ARHGEF1: variants seen among roughly 807,000 people sequenced by gnomAD.
The protein encoded by ARHGEF1 is Rho guanine nucleotide exchange factor 1, also known as 115 kDa guanine nucleotide exchange factor.
Under a neutral mutation model 119.7 loss-of-function variants are expected in ARHGEF1, and 40 were observed. The observed-to-expected ratio is 0.33, with a 90% CI of 0.26 to 0.44. The LOEUF is 0.44. ARHGEF1 is among the 20% of genes least tolerant of loss of function. The pLI, the probability that ARHGEF1 is intolerant of heterozygous loss-of-function variation, is 1.00. For synonymous variants in ARHGEF1, 494 were observed against 521.0 expected (o/e 0.95, Z 0.71); for missense variants, 976 against 1,268.3 (o/e 0.77, Z 3.50).
In ARHGEF1 at chr19:41,903,913, C is replaced by A; in HGVS notation, c.1918-122C>A. 1 of 1,351,462 alleles carries A rather than the reference C, an allele frequency of 7.4e-7. No individual in the cohort carries two copies. The highest frequency in any genetic ancestry group is 1.0e-6 in the Non-Finnish European group (1 of 958,588). The allele number at this position is 1,351,462 out of a possible 1,614,324, so 83.7% of individuals were successfully genotyped here. On this transcript the variant is annotated intron_variant, in intron 20 of 28. Coordinates refer to ENST00000354532, the MANE Select transcript of ARHGEF1 (RefSeq NM_004706.4). The surrounding 1 kb of genome is among the most constrained non-coding windows in gnomAD (Gnocchi z 4.2). ...GAAGCGAGAGCTCTGTCCCCCACCTCATGCCAATCCCATGATCCCCAGCCT... is the reference window on the plus strand; with the variant it reads ...GAAGCGAGAGCTCTGTCCCCCACCTAATGCCAATCCCATGATCCCCAGCCT...
At chr19:41,896,040 C>T (rs941064810) in intron 12 of ARHGEF1, among the ~76,000 whole-genome samples, 9 of 152,150 alleles carry the variant, frequency 5.9e-5, no homozygotes, top group Non-Finnish European at 1.2e-4. Context: ...GATGAATGGA[C>T]GTGGAGGCAG....
chr19:41,887,270 C>CTTCTGGGTTTGGGGACTCCCAGTCCCTG (rs2074307748), intron 1 of ARHGEF1, among the ~76,000 whole-genome samples: 1 of 151,872 alleles, frequency 6.6e-6, no homozygotes, highest in Non-Finnish European at 1.5e-5. Context: ...AATCAGGAAA[C>CTTCTGGGTTTGGGGACTCCCAGTCCCTG]AGGGTGAAAA....
At chr19:41,926,877 C>T (rs191226404) in intron 1 of ARHGEF1, among the ~76,000 whole-genome samples, 2 of 151,884 alleles carry the variant, frequency 1.3e-5, no homozygotes, top group African/African-American at 2.4e-5. Context: ...CGGAAACCAG[C>T]GAGGGGGAGA....
In ARHGEF1 at chr19:41,904,360, C is replaced by T; in HGVS notation, c.2138C>T (p.Ala713Val). Reference sequence around the variant, plus strand: ...CGGCCCGTGCTGCGGCTCACCTCCGCCATGACCCGCGAGGTGGCCACCGGT... The same window carrying T: ...CGGCCCGTGCTGCGGCTCACCTCCGTCATGACCCGCGAGGTGGCCACCGGT... ...MLRPVLRLTS[A>V]MTREVATDHK... The change falls in exon 22 of 29, where the codon GCC becomes GTC. Residue 713 changes from alanine (A) to valine (V), a missense_variant. Coordinates refer to ENST00000354532, the MANE Select transcript of ARHGEF1 (RefSeq NM_004706.4). This position sits in a 1 kb window ranked among gnomAD's most constrained non-coding sequence, Gnocchi z 8.4. 6.3e-7 allele frequency: 1 copy of T among 1,586,152 alleles called. No homozygotes were observed. Among genetic ancestry groups the T allele is most frequent in the South Asian group, 1.1e-5 (1 of 88,280 alleles).
At chr19:41,919,195 C>A (rs1412430444), upstream of ARHGEF1, among the ~76,000 whole-genome samples, 2 of 151,982 alleles carry the variant, frequency 1.3e-5, no homozygotes, top group African/African-American at 4.8e-5. Flanking sequence ...CCTTGTAATC[C>A]CCACATGGAC....
intron 2 of ARHGEF1, among the ~76,000 whole-genome samples, chr19:41,929,328 G>A (rs2074891424): frequency 6.6e-6 from 1 of 151,938 alleles, no homozygotes; most frequent in Middle Eastern, 3.2e-3. Context: ...CAGAACCCAG[G>A]GCTGGCACAC....
upstream of ARHGEF1, among the ~76,000 whole-genome samples, chr19:41,922,645 T>C (rs558066433): frequency 6.7e-4 from 100 of 148,708 alleles, 1 homozygote; most frequent in African/African-American, 2.4e-3. Context: ...GCCTGAGGGC[T>C]AGGGCAAGGG....
At chr19:41,913,824 A>C (rs1252896933) in intron 18 of ARHGEF1, among the ~76,000 whole-genome samples, 5 of 90,874 alleles carry the variant, frequency 5.5e-5, no homozygotes, top group African/African-American at 9.0e-5. Flanking sequence ...CTTGCAATCC[A>C]CTCCCTCTCA....
upstream of ARHGEF1, among the ~76,000 whole-genome samples, chr19:41,919,730 C>T (rs915990510): frequency 6.6e-6 from 1 of 152,170 alleles, no homozygotes; most frequent in Non-Finnish European, 1.5e-5. Flanking sequence ...CAGGGTCGCA[C>T]TCACTTGGTC....
chr19:41,884,859 C>T (rs538472004), intron 1 of ARHGEF1, among the ~76,000 whole-genome samples: 3 of 152,262 alleles, frequency 2.0e-5, no homozygotes, highest in African/African-American at 7.2e-5. Context: ...GGCAGCTGTC[C>T]CTATAGAATC....
At chr19:41,907,068 T>G in intron 28 of ARHGEF1, 37 bp from the exon 29 acceptor site, 3 of 1,457,612 alleles carry the variant, frequency 2.1e-6, no homozygotes, top group Non-Finnish European at 2.7e-6. Flanking sequence ...TCTCTCTCCA[T>G]CTCTCCCCGT....
chr19:41,909,293 G>A, downstream of ARHGEF1: 2 of 1,233,630 alleles, frequency 1.6e-6, no homozygotes, highest in Non-Finnish European at 1.0e-6. The surrounding 1 kb of genome is among the most constrained non-coding windows in gnomAD (Gnocchi z 5.2). Flanking sequence ...GTGAGGGGAG[G>A]AGCATCTGGC....
chr19:41,902,385 C>A lies in ARHGEF1; in HGVS notation c.1497+29C>A. 1 of 1,613,536 alleles carries A rather than the reference C, an allele frequency of 6.2e-7. No homozygotes were observed. The highest frequency in any genetic ancestry group is 8.5e-7 in the Non-Finnish European group (1 of 1,179,718). ...AGATGCCCAGCCCTCCCGCTCCTCC[C>A]AGCTAGACACATGGAATTCAGGCCC... On this transcript the variant is annotated intron_variant, in intron 16 of 28. Transcript: ENST00000354532. The surrounding 1 kb of genome is among the most constrained non-coding windows in gnomAD (Gnocchi z 6.5).
At chr19:41,907,013 C>CT in intron 28 of ARHGEF1, 92 bp from the exon 29 acceptor site, 2 of 1,262,520 alleles carry the variant, frequency 1.6e-6, no homozygotes, top group Non-Finnish European at 1.1e-6. Context: ...CTCCCCTTCT[C>CT]TCTCTGCTCT....
downstream of ARHGEF1, chr19:41,909,123 G>A (rs1259451178): frequency 4.9e-6 from 6 of 1,231,862 alleles, no homozygotes; most frequent in Admixed American, 2.5e-4. This position sits in a 1 kb window ranked among gnomAD's most constrained non-coding sequence, Gnocchi z 5.2. Context: ...GTGAACAGGG[G>A]TGTCCGGGCC....
chr19:41,891,944 T>G (rs1600650104), intron 4 of ARHGEF1, 81 bp from the exon 5 acceptor site: 1 of 1,224,842 alleles, frequency 8.2e-7, no homozygotes, highest in Non-Finnish European at 1.1e-6. Flanking sequence ...GGCCAGGAGG[T>G]GAGGAAGGCC....
downstream of ARHGEF1, among the ~76,000 whole-genome samples, chr19:41,911,937 C>T (rs1282096926): frequency 5.9e-5 from 9 of 152,062 alleles, no homozygotes; most frequent in African/African-American, 1.4e-4. Flanking sequence ...CGCTGAAAAC[C>T]AGACACAGCC....
chr19:41,898,523 C>T lies in ARHGEF1; in HGVS notation c.1203C>T (p.Leu401=), dbSNP rs893578516. The T allele has an allele frequency of 5.8e-6, 9 of 1,562,236 alleles. No individual in the cohort carries two copies. Among genetic ancestry groups the T allele is most frequent in the South Asian group, 3.5e-5 (3 of 84,830 alleles). The change falls in exon 14 of 29, where the codon CTC becomes CTT. Residue 401 remains leucine (L), a synonymous_variant. Transcript: ENST00000354532. ...AAGAGCCTCCCGGCTGGCGGGAACT[C>T]GTCCCCCCAGACACCCTGCACAGCC... is the stretch of plus-strand genomic sequence containing the variant. ...EPEEPPGWRE[L]VPPDTLHSLP... is the part of the protein sequence containing the mutation.
In ARHGEF1 at chr19:41,891,927, A is replaced by G. The variant is rs527419131; in HGVS notation, c.226-98A>G. 2,911 of 1,031,458 alleles carry G rather than the reference A, an allele frequency of 2.8e-3. 11 individuals carry two copies. Among genetic ancestry groups the G allele is most frequent in the Non-Finnish European group, 3.4e-3 (2,408 of 705,536 alleles). The allele number at this position is 1,031,458 out of a possible 1,614,324, so 63.9% of individuals were successfully genotyped here. A position where few individuals can be genotyped will look rare whatever the true frequency, so the allele number is the denominator to read the frequency against. On this transcript the variant is annotated intron_variant, in intron 4 of 28. Transcript: ENST00000354532. ...GAAGTGGCAGTTGAGTCCCACAGCC[A>G]TAGGATGGCCAGGAGGTGAGGAAGG...
Sources: allele counts gnomAD v4.1 joint callset (sites outside exome capture counted in the v4.1 genomes callset), GRCh38; gene constraint gnomAD v4.1.1; non-coding constraint Gnocchi (gnomAD v3.1); transcripts MANE v1.5; gene names NCBI Gene and HGNC (gene_info 2026-07-23, HGNC 2026-07-21).